PCM1: variants seen among roughly 807,000 people sequenced by gnomAD.
PCM1 encodes the protein pericentriolar material 1.
In PCM1, 157 loss-of-function variants were observed where a neutral mutation model predicts 241.9. The ratio of observed to expected loss-of-function variants is 0.65; its 90% CI spans 0.57 to 0.74. The LOEUF (loss-of-function observed/expected upper bound fraction) is 0.74. Ranked by LOEUF, PCM1 falls within the 30% of genes least tolerant of loss-of-function variation. The probability of loss-of-function intolerance (pLI) is 0.00; values close to 1 mark genes in which losing one functional copy is unlikely to be tolerated. For missense variants in PCM1, 3,478 were observed against 2,360.1 expected (o/e 1.47, Z -9.81); for synonymous variants, 1,085 against 784.9 (o/e 1.38, Z -6.39).
intron 23 of PCM1, among the ~76,000 whole-genome samples, chr8:17,978,798 AAT>A (rs1298838590): frequency 2.0e-5 from 3 of 152,188 alleles, no homozygotes; most frequent in African/African-American, 7.2e-5. Context: ...CAAAAGTAAA[AAT>A]AAAATATTAG....
At chr8:17,991,845 C>G (rs1247485383) in intron 28 of PCM1, 145 bp downstream of exon 28, 6 of 522,308 alleles carry the variant, frequency 1.1e-5, no homozygotes, top group Non-Finnish European at 1.6e-5. Flanking sequence ...TGTTTGATCC[C>G]TCACCCCCTT....
intron 6 of PCM1, among the ~76,000 whole-genome samples, chr8:17,946,130 C>T (rs1000068578): frequency 6.6e-6 from 1 of 152,102 alleles, no homozygotes; most frequent in Non-Finnish European, 1.5e-5. Context: ...AAGATTAACA[C>T]TTAAAATTTC....
At position 17,956,774 on chromosome 8, in the gene PCM1, T is replaced by A; in HGVS notation, c.1643T>A (p.Ile548Asn). ...EHENSEPVTN[I>N]RNPQVASTWN... ...GAAAATTCCGAGCCTGTTACTAACA[T>A]TCGGTAAGAACTTTTCTGGGGATGT... The change falls in exon 11 of 39, where the codon ATT (isoleucine) becomes AAT (asparagine). Residue 548 changes from isoleucine to asparagine, a missense_variant. Ile to Asn is a moderately radical substitution (Grantham distance 149). Transcript: ENST00000325083. The A allele has an allele frequency of 6.2e-7, 1 of 1,605,088 alleles. No homozygotes were observed. The highest frequency in any genetic ancestry group is 8.5e-7 in the Non-Finnish European group (1 of 1,174,604).
chr8:17,943,799 C>T (rs1416807746), intron 6 of PCM1, among the ~76,000 whole-genome samples: 1 of 152,114 alleles, frequency 6.6e-6, no homozygotes, highest in Non-Finnish European at 1.5e-5. Context: ...CTTACCACCC[C>T]ACCCCTGTTT....
Position 17,967,053 on chromosome 8 carries a change from G to C in PCM1, c.3295G>C (p.Gly1099Arg), listed in dbSNP as rs1190508113. 6.2e-7 allele frequency: 1 copy of C among 1,609,952 alleles called. No homozygotes were observed. Among genetic ancestry groups the C allele is most frequent in the Non-Finnish European group, 8.5e-7 (1 of 1,177,910 alleles). ...HPEKPGGKER[G>R]SSASHPPSPS... The stretch of plus-strand genomic sequence containing the variant: ...AGAAAAACCTGGAGGCAAGGAAAGA[G>C]GCAGTAGTGCATCGCACCCTCCTTC... Residue 1099 changes from glycine (G) to arginine (R), a missense_variant, in exon 21 of 39, where the codon GGC becomes CGC. Gly to Arg is a moderately radical substitution (Grantham distance 125, BLOSUM62 -2). Transcript: ENST00000325083.
In PCM1 at chr8:18,005,192, T is replaced by C. The variant is rs140787200; in HGVS notation, c.4828-1071T>C. Among the ~76,000 whole-genome samples the C allele has an allele frequency of 1.4e-3, 218 of 152,272 alleles. 1 individual carries two copies. Among genetic ancestry groups the C allele is most frequent in the African/African-American group, 5.0e-3 (209 of 41,566 alleles). ...AAATATTTATTTATTCAGTAAGTAA[T>C]GTCTCCTGTGAGCCACTGTATTTTG... On this transcript the variant is annotated intron_variant, in intron 29 of 38. Coordinates refer to ENST00000325083, the MANE Select transcript of PCM1 (RefSeq NM_006197.4).
At position 18,011,769 on chromosome 8, in the gene PCM1, T is replaced by C. The variant is rs779758788; in HGVS notation, c.5453T>C (p.Val1818Ala). Residue 1818 changes from valine (V) to alanine (A), a missense_variant, in exon 34 of 39, where the codon GTC (valine) becomes GCC (alanine). Physicochemically the swap from Val to Ala is moderately conservative, Grantham distance 64 (BLOSUM62 0). Coordinates refer to ENST00000325083, the MANE Select transcript of PCM1 (RefSeq NM_006197.4). Reference protein sequence around the residue: ...MEEFEEGPVDVQTSLQANTEA... With the variant: ...MEEFEEGPVDAQTSLQANTEA... ...GAATTTGAAGAAGGCCCTGTGGATG[T>C]CCAGACTTCCCTCCAGGCTAACACT... The C allele has an allele frequency of 3.1e-6, 5 of 1,613,690 alleles. No individual in the cohort carries two copies. The African/African-American group carries it at 5.3e-5, about 17-fold the overall frequency.
At chr8:17,926,378 CT>C (rs1484137113) in intron 2 of PCM1, 5 of 152,288 alleles carry the variant, frequency 3.3e-5, no homozygotes, top group Non-Finnish European at 4.4e-5. Context: ...CCTATCAGTA[CT>C]TTCATTTTTA....
chr8:17,994,084 A>T (rs1197026744), intron 29 of PCM1, among the ~76,000 whole-genome samples: 2 of 152,150 alleles, frequency 1.3e-5, no homozygotes, highest in African/African-American at 4.8e-5. Flanking sequence ...GTATAATTAA[A>T]TTATTGACTG....
chr8:17,938,609 T>A (rs2061127373), intron 4 of PCM1, 131 bp from the exon 5 acceptor site: 1 of 633,874 alleles, frequency 1.6e-6, no homozygotes. Flanking sequence ...CTCTTTCAGG[T>A]CTTAGTGCAA....
intron 38 of PCM1, among the ~76,000 whole-genome samples, chr8:18,026,257 C>T (rs1210345831): frequency 8.2e-6 from 1 of 122,400 alleles, no homozygotes. Context: ...TAGCAAAAAC[C>T]CACTTTTTTT....
intron 29 of PCM1, among the ~76,000 whole-genome samples, 164 bp downstream of exon 29, chr8:17,993,783 A>G (rs2085622510): frequency 6.6e-6 from 1 of 152,208 alleles, no homozygotes; most frequent in Non-Finnish European, 1.5e-5. Flanking sequence ...ACCTTTCAGT[A>G]ATATTTTATA....
At chr8:18,020,607 A>G (rs2093672935) in intron 36 of PCM1, among the ~76,000 whole-genome samples, 1 of 152,198 alleles carries the variant, frequency 6.6e-6, no homozygotes, top group Admixed American at 6.5e-5. Flanking sequence ...TTCTGAATAA[A>G]TACATTTTAT....
Position 17,938,941 on chromosome 8 carries a change from G to C in PCM1, c.544G>C (p.Asp182His). Residue 182 changes from aspartate to histidine, a missense_variant, in exon 5 of 39, where the codon GAC becomes CAC. Transcript: ENST00000325083. The part of the protein sequence containing the change: ...KELFASALSN[D>H]LLQNCQVSEE... Reference sequence around the variant, plus strand: ...GTTGTTTGCTTCTGCTTTAAGTAATGACCTCTTGCAAAACTGTCAGGTGTC... The same window carrying C: ...GTTGTTTGCTTCTGCTTTAAGTAATCACCTCTTGCAAAACTGTCAGGTGTC... The C allele has an allele frequency of 1.9e-6, 3 of 1,613,664 alleles. No homozygotes were observed. Among genetic ancestry groups the C allele is most frequent in the Non-Finnish European group, 2.5e-6 (3 of 1,179,604 alleles).
At chr8:17,991,812 T>C (rs2084741655) in intron 28 of PCM1, 112 bp downstream of exon 28, 2 of 717,440 alleles carry the variant, frequency 2.8e-6, no homozygotes, top group Non-Finnish European at 4.6e-6. Flanking sequence ...GCCTGAGCAG[T>C]ATACACTGTA....
Position 17,960,422 on chromosome 8 carries a change from A to G in PCM1, c.2300A>G (p.Gln767Arg), listed in dbSNP as rs759140324. 13 of 1,603,446 alleles carry G rather than the reference A, an allele frequency of 8.1e-6. No individual in the cohort carries two copies. In the African/African-American group the frequency reaches 1.4e-4, roughly 17 times the overall value. ...IDIQEKIQAL[Q>R]TACPDLQLSA... ...ATTCAGGAGAAAATTCAAGCATTGC[A>G]AACGGCATGCCCTGACTTACAGGTA... Residue 767 changes from glutamine to arginine, a missense_variant, in exon 15 of 39, where the codon CAA (glutamine) becomes CGA (arginine). Physicochemically the swap from Gln to Arg is conservative, Grantham distance 43. Transcript: ENST00000325083.
intron 6 of PCM1, among the ~76,000 whole-genome samples, chr8:17,941,595 G>A (rs1192151392): frequency 6.6e-6 from 1 of 151,504 alleles, no homozygotes; most frequent in Non-Finnish European, 1.5e-5. Context: ...TGGCTTATAT[G>A]TTAAACAGGA....
chr8:18,019,065 T>TGA (rs1443170042), intron 36 of PCM1, among the ~76,000 whole-genome samples: 7 of 151,184 alleles, frequency 4.6e-5, no homozygotes, highest in Non-Finnish European at 1.0e-4. Flanking sequence ...AGTGTAATCT[T>TGA]TCTTTCCTCT....
chr8:17,951,022 C>G (rs980457656), intron 8 of PCM1, among the ~76,000 whole-genome samples: 2 of 152,156 alleles, frequency 1.3e-5, no homozygotes, highest in Non-Finnish European at 2.9e-5. Context: ...TACTGGATGA[C>G]GTATTCTTTT....
Sources: gnomAD v4.1 joint callset for allele counts (sites outside exome capture counted in the v4.1 genomes callset) on GRCh38, gnomAD v4.1.1 for gene constraint, MANE v1.5 for transcripts, NCBI Gene and HGNC (gene_info 2026-07-23, HGNC 2026-07-21) for gene names.